ZDHHC18: variants seen among roughly 807,000 people sequenced by gnomAD.
The protein encoded by ZDHHC18 is zDHHC palmitoyltransferase 18, also known as palmitoyltransferase ZDHHC18.
A neutral mutation model predicts 37.5 loss-of-function variants in ZDHHC18; 23 were observed. That is an observed-to-expected ratio of 0.61 (90% confidence interval 0.44 to 0.87). The LOEUF (loss-of-function observed/expected upper bound fraction) is 0.87, where lower values mean the gene tolerates loss of function less well. Among genes scored for constraint, ZDHHC18 ranks in the 40% least tolerant of loss-of-function variants. The pLI is 0.00. For synonymous variants in ZDHHC18, 185 were observed against 218.7 expected (o/e 0.85, Z 1.36); for missense variants, 406 against 525.6 (o/e 0.77, Z 2.22).
intron 1 of ZDHHC18, among the ~76,000 whole-genome samples, chr1:26,830,205 C>A (rs539447154): frequency 3.9e-5 from 6 of 152,302 alleles, no homozygotes; most frequent in Non-Finnish European, 7.4e-5. Flanking sequence ...TCTCAGGCCT[C>A]CCAGGGCCCC....
chr1:26,856,159 G>A lies in ZDHHC18; in HGVS notation c.*2316G>A. 2.2e-6 allele frequency: 1 copy of A among 450,428 alleles called. No individual in the cohort carries two copies. The highest frequency in any genetic ancestry group is 4.5e-6 in the Non-Finnish European group (1 of 222,146). The allele number at this position is 450,428 out of a possible 1,614,324, so 27.9% of individuals were successfully genotyped here. On this transcript the variant is annotated 3_prime_UTR_variant, in exon 8 of 8. Coordinates refer to ENST00000374142, the MANE Select transcript of ZDHHC18 (RefSeq NM_032283.3). The surrounding 1 kb of genome is among the most constrained non-coding windows in gnomAD (Gnocchi z 5.2). ...CCCAGCCAGACAACTCATAACACTG[G>A]CCCACCTCTCTGGTATCTCCCTCAG...
intron 2 of ZDHHC18, 81 bp from the exon 3 acceptor site, chr1:26,848,527 C>T (rs1442299061): frequency 1.3e-6 from 2 of 1,550,258 alleles, no homozygotes; most frequent in Admixed American, 1.7e-5. Flanking sequence ...ACTGGCCAGG[C>T]AGCAGTAGCT....
chr1:26,844,139 A>C (rs1044137612), intron 2 of ZDHHC18, among the ~76,000 whole-genome samples: 44 of 152,228 alleles, frequency 2.9e-4, no homozygotes, highest in African/African-American at 9.2e-4. Context: ...TCCTGGGTTC[A>C]AGCAATTCTC....
intron 6 of ZDHHC18, 72 bp from the exon 7 acceptor site, chr1:26,852,681 G>A (rs1390848191): frequency 7.4e-7 from 1 of 1,345,040 alleles, no homozygotes; most frequent in African/African-American, 1.4e-5. Context: ...GTTGTCCCCA[G>A]CCTCTAGACC....
chr1:26,827,864 G>T (rs1338797079), intron 1 of ZDHHC18, among the ~76,000 whole-genome samples: 1 of 151,480 alleles, frequency 6.6e-6, no homozygotes, highest in Non-Finnish European at 1.5e-5. Flanking sequence ...GATCCCGCCC[G>T]CCTCCACCCA....
chr1:26,848,797 A>C (rs1241915880), intron 3 of ZDHHC18, 40 bp downstream of exon 3: 1 of 1,593,574 alleles, frequency 6.3e-7, no homozygotes, highest in Non-Finnish European at 8.6e-7. Context: ...GGGATTCCTG[A>C]GAGAGACTGA....
At chr1:26,851,389 C>T (rs1322297815) in intron 6 of ZDHHC18, among the ~76,000 whole-genome samples, 158 bp downstream of exon 6, 2 of 152,184 alleles carry the variant, frequency 1.3e-5, no homozygotes, top group African/African-American at 4.8e-5. Context: ...TCAGCTTGGC[C>T]CTGGTGGGTC....
In ZDHHC18 at chr1:26,826,751, C is replaced by T; in HGVS notation, c.-54C>T. On this transcript the variant is annotated 5_prime_UTR_variant, in exon 1 of 8. Transcript: ENST00000374142. This position sits in a 1 kb window ranked among gnomAD's most constrained non-coding sequence, Gnocchi z 5.2. ...CCACCTCCGCTGCTCGGCCCGGTCC[C>T]GGAGTGGCCCGGCCGGCCCGCGGGG... The T allele has an allele frequency of 1.1e-6, 1 of 901,866 alleles. No homozygotes were observed. Among genetic ancestry groups the T allele is most frequent in the Non-Finnish European group, 1.3e-6 (1 of 755,928 alleles). The allele number at this position is 901,866 out of a possible 1,614,324, so 55.9% of individuals were successfully genotyped here.
Position 26,851,195 on chromosome 1 carries a change from G to A in ZDHHC18, c.900G>A (p.Thr300=), listed in dbSNP as rs199677026. 94 of 1,614,156 alleles carry A rather than the reference G, an allele frequency of 5.8e-5. No individual in the cohort carries two copies. The highest frequency in any genetic ancestry group is 5.7e-4 in the Admixed American group (34 of 60,004). The stretch of plus-strand genomic sequence containing the variant: ...TTCTGGGCCTCTCAGGGTTTCACAC[G>A]TACCTCGTCGCCTCCAACCTGACTA... ...WSILGLSGFH[T]YLVASNLTTN... Residue 300 remains threonine, a synonymous_variant, in exon 6 of 8, where the codon ACG becomes ACA. Transcript: ENST00000374142.
At chr1:26,829,637 A>G (rs1421004515) in intron 1 of ZDHHC18, among the ~76,000 whole-genome samples, 2 of 152,228 alleles carry the variant, frequency 1.3e-5, no homozygotes, top group African/African-American at 2.4e-5. Context: ...GTCTTTGCCC[A>G]TGAGAGCAGG....
At chr1:26,836,200 C>T (rs1000755310) in intron 2 of ZDHHC18, among the ~76,000 whole-genome samples, 4 of 152,082 alleles carry the variant, frequency 2.6e-5, no homozygotes, top group African/African-American at 9.7e-5. Flanking sequence ...TCACTTAGAC[C>T]CTGTTACAGT....
At chr1:26,846,055 A>G (rs2081662119) in intron 2 of ZDHHC18, among the ~76,000 whole-genome samples, 1 of 151,582 alleles carries the variant, frequency 6.6e-6, no homozygotes, top group Admixed American at 6.6e-5. Flanking sequence ...CAGTCTTCCA[A>G]TCCATGAATA....
At chr1:26,827,937 C>A (rs1238646432) in intron 1 of ZDHHC18, among the ~76,000 whole-genome samples, 1 of 152,304 alleles carries the variant, frequency 6.6e-6, no homozygotes, top group East Asian at 1.9e-4. Context: ...GCTCAACATT[C>A]TGGAACGTCC....
At chr1:26,851,002 C>A in intron 5 of ZDHHC18, 127 bp from the exon 6 acceptor site, 1 of 871,548 alleles carries the variant, frequency 1.1e-6, no homozygotes, top group Admixed American at 2.1e-5. Context: ...GGGACTGGGC[C>A]ACAGGAAGGT....
At chr1:26,837,955 C>T (rs2124254183) in intron 2 of ZDHHC18, among the ~76,000 whole-genome samples, 1 of 152,004 alleles carries the variant, frequency 6.6e-6, no homozygotes, top group Non-Finnish European at 1.5e-5. Flanking sequence ...CCAGAGTGCT[C>T]ATTCTTTCTG....
intron 2 of ZDHHC18, among the ~76,000 whole-genome samples, chr1:26,847,044 C>T (rs1000519077): frequency 7.2e-5 from 11 of 151,762 alleles, no homozygotes; most frequent in Admixed American, 2.0e-4. Flanking sequence ...TACAGGCACA[C>T]GCCACCACAA....
At chr1:26,844,990 G>A (rs1398494753) in intron 2 of ZDHHC18, among the ~76,000 whole-genome samples, 6 of 149,224 alleles carry the variant, frequency 4.0e-5, no homozygotes, top group Non-Finnish European at 7.4e-5. Context: ...GCGCAATCTC[G>A]GCTCACTGCA....
At position 26,826,817 on chromosome 1, in the gene ZDHHC18, G is replaced by A; in HGVS notation, c.13G>A (p.Glu5Lys). The change falls in exon 1 of 8, where the codon GAG becomes AAG. Residue 5 changes from glutamate (E) to lysine (K), a missense_variant. Transcript: ENST00000374142. This position sits in a 1 kb window ranked among gnomAD's most constrained non-coding sequence, Gnocchi z 5.2. MKDC[E>K]YQQISPGAAP... ...CGCGGCTGGCTGCATGAAGGACTGC[G>A]AGTACCAGCAGATCAGCCCCGGGGC... 1.0e-6 allele frequency: 1 copy of A among 981,286 alleles called. No homozygotes were observed. Among genetic ancestry groups the A allele is most frequent in the Non-Finnish European group, 1.2e-6 (1 of 828,464 alleles). 60.8% of individuals were successfully genotyped at this position (981,286 alleles called of 1,614,324 possible).
chr1:26,856,119 A>G lies in ZDHHC18; in HGVS notation c.*2276A>G. The G allele has an allele frequency of 2.3e-6, 1 of 426,446 alleles. No individual in the cohort carries two copies. The highest frequency in any genetic ancestry group is 1.6e-5 in the South Asian group (1 of 63,462). The allele number at this position is 426,446 out of a possible 1,614,324, so 26.4% of individuals were successfully genotyped here. On this transcript the variant is annotated 3_prime_UTR_variant, in exon 8 of 8. Transcript: ENST00000374142. The surrounding 1 kb of genome is among the most constrained non-coding windows in gnomAD (Gnocchi z 5.2). The stretch of plus-strand genomic sequence containing the variant: ...GGAGCTTCCCTGGCTACCACCTCCA[A>G]CCTGGGCACCAGGGCCCAGCCAGAC...
Sources: allele counts gnomAD v4.1 joint callset (sites outside exome capture counted in the v4.1 genomes callset), GRCh38; gene constraint gnomAD v4.1.1; non-coding constraint Gnocchi (gnomAD v3.1); transcripts MANE v1.5; gene names NCBI Gene and HGNC (gene_info 2026-07-23, HGNC 2026-07-21).